Variants in LRP1 observed in about 807,000 individuals in gnomAD.
LRP1 encodes prolow-density lipoprotein receptor-related protein 1.
Under a neutral mutation model 541.5 loss-of-function variants are expected in LRP1, and 51 were observed. The ratio of observed to expected loss-of-function variants is 0.09; its 90% CI spans 0.08 to 0.12. The LOEUF (loss-of-function observed/expected upper bound fraction) is 0.12, where lower values mean the gene tolerates loss of function less well. Among genes scored for constraint, LRP1 ranks in the 10% least tolerant of loss-of-function variants. LRP1 has a pLI of 1.00. For missense variants in LRP1, 3,878 were observed against 6,376.2 expected, an observed-to-expected ratio of 0.61 and a Z score of 13.34; for synonymous variants, 2,219 against 2,470.8, an observed-to-expected ratio of 0.90 and a Z score of 3.02.
In LRP1 at chr12:57,181,148, T is replaced by G; in HGVS notation, c.5528-9T>G. 1 of 1,611,854 alleles carries G rather than the reference T, an allele frequency of 6.2e-7. No individual in the cohort carries two copies. The highest frequency in any genetic ancestry group is 8.5e-7 in the Non-Finnish European group (1 of 1,178,972). On this transcript the variant is annotated splice_polypyrimidine_tract_variant and intron_variant, in intron 33 of 88. Transcript: ENST00000243077. ...TAACCCTTTCCCTCTGCCTCCCACC[T>G]GCCCCCAGACCATAAGGGCACCAAC...
In LRP1 at chr12:57,181,220, C is replaced by T. The variant is rs1192640717; in HGVS notation, c.5591C>T (p.Thr1864Met). 6.2e-6 allele frequency: 10 copies of T among 1,613,648 alleles called. No homozygotes were observed. The highest frequency in any genetic ancestry group is 5.0e-5 in the Admixed American group (3 of 60,000). ...NGDCSQLCLPTSETTRSCMCT... is the reference protein window; with the variant it reads ...NGDCSQLCLPMSETTRSCMCT... ...GACTGCTCCCAGCTCTGCCTGCCCA[C>T]GTCAGAGACGACCCGCTCCTGCATG... The change falls in exon 34 of 89, where the codon ACG (threonine) becomes ATG (methionine). Residue 1864 changes from threonine (T) to methionine (M), a missense_variant. Transcript: ENST00000243077.
chr12:57,183,841 C>G lies in LRP1; in HGVS notation c.5861C>G (p.Thr1954Arg), dbSNP rs747084009. 9.9e-6 allele frequency: 16 copies of G among 1,614,182 alleles called. No individual in the cohort carries two copies. The highest frequency in any genetic ancestry group is 1.4e-5 in the Non-Finnish European group (16 of 1,180,046). The change falls in exon 36 of 89, where the codon ACG becomes AGG. Residue 1954 changes from threonine to arginine, a missense_variant. Thr to Arg is a moderately conservative substitution (Grantham distance 71). Transcript: ENST00000243077. The surrounding 1 kb of genome is among the most constrained non-coding windows in gnomAD (Gnocchi z 6.1). ...STISRAKRDQ[T>R]WREDVVTNGI... ...ATCAGCCGGGCCAAGCGGGACCAGACGTGGCGTGAAGACGTGGTGACCAAT... is the reference window on the plus strand; with the variant it reads ...ATCAGCCGGGCCAAGCGGGACCAGAGGTGGCGTGAAGACGTGGTGACCAAT...
chr12:57,154,434 G>T lies in LRP1; in HGVS notation c.1005-45G>T. ...GAGGCTGAGGCTACAGTGGTAAGGA[G>T]GGTGCCCAATGTCCAGACCCCATTT... is the stretch of plus-strand genomic sequence containing the variant. On this transcript the variant is annotated intron_variant, in intron 7 of 88. Transcript: ENST00000243077. This position sits in a 1 kb window ranked among gnomAD's most constrained non-coding sequence, Gnocchi z 4.6. 6.2e-7 allele frequency: 1 copy of T among 1,606,926 alleles called. No homozygotes were observed. The highest frequency in any genetic ancestry group is 8.5e-7 in the Non-Finnish European group (1 of 1,174,496).
At chr12:57,175,864 G>A in intron 23 of LRP1, 45 bp from the exon 24 acceptor site, 1 of 1,603,824 alleles carries the variant, frequency 6.2e-7, no homozygotes, top group Non-Finnish European at 8.5e-7. Flanking sequence ...GTGGCACACA[G>A]GCAGCTAGCC....
intron 42 of LRP1, among the ~76,000 whole-genome samples, chr12:57,188,778 C>T (rs527894299): frequency 2.0e-5 from 3 of 152,196 alleles, no homozygotes; most frequent in African/African-American, 4.8e-5. Context: ...TGAAGAGCTT[C>T]GTGGCTGTGT....
chr12:57,191,892 C>CATACT (rs2036403284), intron 44 of LRP1, among the ~76,000 whole-genome samples: 4 of 5,644 alleles, frequency 7.1e-4, no homozygotes, highest in East Asian at 4.6e-3. Context: ...ACACCCCACA[C>CATACT]ATACCACATA....
Position 57,193,837 on chromosome 12 carries a change from C to T in LRP1, c.7805-62C>T, listed in dbSNP as rs541283786. 24 of 1,586,582 alleles carry T rather than the reference C, an allele frequency of 1.5e-5. No homozygotes were observed. The African/African-American group carries it at 2.0e-4, about 13-fold the overall frequency. On this transcript the variant is annotated intron_variant, in intron 47 of 88. Transcript: ENST00000243077. ...GCTGTGGGCCAGGAGCTCTGTCCTGCGTCCTTCTGGCCCCCACAGAGAAAA... is the reference window on the plus strand; with the variant it reads ...GCTGTGGGCCAGGAGCTCTGTCCTGTGTCCTTCTGGCCCCCACAGAGAAAA...
In LRP1 at chr12:57,173,817, C is replaced by T; in HGVS notation, c.3384C>T (p.Asp1128=). The T allele has an allele frequency of 6.2e-7, 1 of 1,614,224 alleles. No individual in the cohort carries two copies. The highest frequency in any genetic ancestry group is 8.5e-7 in the Non-Finnish European group (1 of 1,180,034). The change falls in exon 22 of 89, where the codon GAC becomes GAT. Residue 1128 remains aspartate (D), a synonymous_variant. Transcript: ENST00000243077. The surrounding 1 kb of genome is among the most constrained non-coding windows in gnomAD (Gnocchi z 4.7). ...CISKAWVCDG[D]NDCEDNSDEE... is the part of the protein sequence containing the mutation. Reference sequence around the variant, plus strand: ...GCAAAGCGTGGGTGTGTGATGGCGACAATGACTGTGAGGATAACTCGGACG... The same window carrying T: ...GCAAAGCGTGGGTGTGTGATGGCGATAATGACTGTGAGGATAACTCGGACG...
rs761500633 is a variant in LRP1 at position 57,184,979 on chromosome 12, C to T, written c.6327C>T (p.Tyr2109=). 6.2e-7 allele frequency: 1 copy of T among 1,614,134 alleles called. No individual in the cohort carries two copies. Among genetic ancestry groups the T allele is most frequent in the Non-Finnish European group, 8.5e-7 (1 of 1,179,978 alleles). Residue 2109 remains tyrosine (Y), a synonymous_variant, in exon 39 of 89, where the codon TAC becomes TAT. Transcript: ENST00000243077. The surrounding 1 kb of genome is among the most constrained non-coding windows in gnomAD (Gnocchi z 7.8). ...TGTCTGTGTTTGAGGATTTCATCTACTGGAGTGACAGGTGAGGGCTTCTGT... is the reference window on the plus strand; with the variant it reads ...TGTCTGTGTTTGAGGATTTCATCTATTGGAGTGACAGGTGAGGGCTTCTGT... ...FSVSVFEDFI[Y]WSDRTHANGS...
In LRP1 at chr12:57,197,659, G is replaced by C. The variant is rs756324404; in HGVS notation, c.9277G>C (p.Val3093Leu). Residue 3093 changes from valine (V) to leucine (L), a missense_variant, in exon 58 of 89, where the codon GTG (valine) becomes CTG (leucine). Val to Leu is a conservative substitution (Grantham distance 32). Coordinates refer to ENST00000243077, the MANE Select transcript of LRP1 (RefSeq NM_002332.3). This position sits in a 1 kb window ranked among gnomAD's most constrained non-coding sequence, Gnocchi z 4.5. ...IRRMHLNGSN[V>L]QVLHRTGLSN... ...AAGGATGCACCTTAACGGGAGCAAT[G>C]TGCAGGTGAGGCGGGCGGCCCTCGG... 1 of 1,613,640 alleles carries C rather than the reference G, an allele frequency of 6.2e-7. No homozygotes were observed. The highest frequency in any genetic ancestry group is 8.5e-7 in the Non-Finnish European group (1 of 1,179,878).
chr12:57,154,978 G>C lies in LRP1; in HGVS notation c.1227+277G>C. 1 of 592,364 alleles carries C rather than the reference G, an allele frequency of 1.7e-6. No homozygotes were observed. Among genetic ancestry groups the C allele is most frequent in the East Asian group, 2.8e-5 (1 of 36,168 alleles). The allele number at this position is 592,364 out of a possible 1,614,324, so 36.7% of individuals were successfully genotyped here. A position where few individuals can be genotyped will look rare whatever the true frequency, so the allele number is the denominator to read the frequency against. On this transcript the variant is annotated intron_variant, in intron 8 of 88. Coordinates refer to ENST00000243077, the MANE Select transcript of LRP1 (RefSeq NM_002332.3). The surrounding 1 kb of genome is among the most constrained non-coding windows in gnomAD (Gnocchi z 4.6). ...TAATAACCCCTAGCTGATGAACAGG[G>C]AGGTGGTTCAGTTCCCTTTCAGCAG... is the stretch of plus-strand genomic sequence containing the variant.
Position 57,203,169 on chromosome 12 carries a change from T to C in LRP1, c.10712-12T>C, listed in dbSNP as rs1016558797. 6.4e-7 allele frequency: 1 copy of C among 1,557,122 alleles called. No individual in the cohort carries two copies. Among genetic ancestry groups the C allele is most frequent in the Middle Eastern group, 1.7e-4 (1 of 5,944 alleles). On this transcript the variant is annotated splice_polypyrimidine_tract_variant and intron_variant, in intron 68 of 88. Transcript: ENST00000243077. ...CCACCCTCCTGGGCCTGTCTCCCCC[T>C]GTCCTTCCCAGCCCCTCGGCCCTGC...
chr12:57,167,332 C>T, intron 18 of LRP1, 112 bp from the exon 19 acceptor site: 1 of 817,902 alleles, frequency 1.2e-6, no homozygotes. Flanking sequence ...CCCACCCTTC[C>T]TGACTGGGCT....
At position 57,154,711 on chromosome 12, in the gene LRP1, C is replaced by T; in HGVS notation, c.1227+10C>T. ...CATCCAGGGCATCCTGGTGAGGGAG[C>T]TACTGTCTGAGGTTTTGTGGGGGAA... is the stretch of plus-strand genomic sequence containing the variant. On this transcript the variant is annotated intron_variant, in intron 8 of 88. Transcript: ENST00000243077. This position sits in a 1 kb window ranked among gnomAD's most constrained non-coding sequence, Gnocchi z 4.6. 5 of 1,552,944 alleles carry T rather than the reference C, an allele frequency of 3.2e-6. No homozygotes were observed. The highest frequency in any genetic ancestry group is 3.5e-6 in the Non-Finnish European group (4 of 1,147,546).
chr12:57,196,043 A>C, intron 54 of LRP1, 40 bp downstream of exon 54: 3 of 1,611,082 alleles, frequency 1.9e-6, no homozygotes, highest in Non-Finnish European at 2.5e-6. Context: ...CCCTCCCCAG[A>C]CTGCCTGAGA....
chr12:57,184,315 C>G lies in LRP1; in HGVS notation c.6060-11C>G. ...TGAGGACTGACCCCCACTTCCACCC[C>G]CACCCTACAGGTACTTGTTCTGGAC... On this transcript the variant is annotated splice_polypyrimidine_tract_variant and intron_variant, in intron 37 of 88. Transcript: ENST00000243077. The surrounding 1 kb of genome is among the most constrained non-coding windows in gnomAD (Gnocchi z 7.8). The G allele has an allele frequency of 3.7e-6, 6 of 1,614,232 alleles. No homozygotes were observed. Among genetic ancestry groups the G allele is most frequent in the Non-Finnish European group, 5.1e-6 (6 of 1,180,046 alleles).
intron 34 of LRP1, among the ~76,000 whole-genome samples, chr12:57,181,517 T>C (rs973447216): frequency 6.6e-6 from 1 of 152,212 alleles, no homozygotes; most frequent in African/African-American, 2.4e-5. Flanking sequence ...AGGCATGCTC[T>C]GAGCTGGGTT....
At chr12:57,171,249 C>T (rs2035938413) in intron 20 of LRP1, among the ~76,000 whole-genome samples, 1 of 152,192 alleles carries the variant, frequency 6.6e-6, no homozygotes, top group African/African-American at 2.4e-5. Context: ...CGTGGAGGAG[C>T]AGGGTGTCAC....
intron 44 of LRP1, among the ~76,000 whole-genome samples, chr12:57,192,640 G>A (rs779462750): frequency 2.6e-5 from 4 of 152,122 alleles, no homozygotes; most frequent in Non-Finnish European, 4.4e-5. Flanking sequence ...CATCCTCAAC[G>A]GCACACCTGC....
Sources: gnomAD v4.1 joint callset for allele counts (sites outside exome capture counted in the v4.1 genomes callset) on GRCh38, gnomAD v4.1.1 for gene constraint, Gnocchi (gnomAD v3.1) non-coding constraint, MANE v1.5 for transcripts, NCBI Gene and HGNC (gene_info 2026-07-23, HGNC 2026-07-21) for gene names.